Variants in TMEM266 observed in about 807,000 individuals in gnomAD.
TMEM266 encodes Hv1 related protein 1.
In TMEM266, 33 loss-of-function variants were observed where a neutral mutation model predicts 50.5. The observed-to-expected ratio is 0.65, with a 90% confidence interval of 0.50 to 0.87. TMEM266 has a LOEUF of 0.87. Among genes scored for constraint, TMEM266 ranks in the 40% least tolerant of loss-of-function variants. The pLI is 0.00. For synonymous variants in TMEM266, 310 were observed against 292.3 expected (o/e 1.06, Z -0.62); for missense variants, 655 against 695.1 (o/e 0.94, Z 0.65).
intron 1 of TMEM266, among the ~76,000 whole-genome samples, chr15:76,093,688 C>T (rs2036885161): frequency 6.6e-6 from 1 of 152,028 alleles, no homozygotes; most frequent in Non-Finnish European, 1.5e-5. Context: ...GGAATCACCA[C>T]ACTGTCTTCC....
At chr15:76,130,773 A>C (rs755268555) in intron 1 of TMEM266, among the ~76,000 whole-genome samples, 1 of 152,216 alleles carries the variant, frequency 6.6e-6, no homozygotes, top group Non-Finnish European at 1.5e-5. Context: ...GGTCCATGAT[A>C]CAATTCTCTA....
At chr15:76,123,904 G>C (rs1207057772) in intron 1 of TMEM266, among the ~76,000 whole-genome samples, 1 of 152,132 alleles carries the variant, frequency 6.6e-6, no homozygotes, top group African/African-American at 2.4e-5. Context: ...GTAGAGACGG[G>C]GTTTCGCCAT....
intron 5 of TMEM266, among the ~76,000 whole-genome samples, chr15:76,167,102 G>A (rs1440338438): frequency 6.6e-6 from 1 of 152,138 alleles, no homozygotes; most frequent in East Asian, 1.9e-4. Context: ...GATAGATATG[G>A]CTATTGTAGC....
At chr15:76,165,306 A>G (rs918062296) in intron 5 of TMEM266, among the ~76,000 whole-genome samples, 10 of 152,232 alleles carry the variant, frequency 6.6e-5, no homozygotes, top group African/African-American at 2.4e-4. Flanking sequence ...GCGGAAGGCA[A>G]GAGGGGTCCA....
chr15:76,066,287 A>G (rs899444846), intron 1 of TMEM266, among the ~76,000 whole-genome samples: 7 of 152,204 alleles, frequency 4.6e-5, no homozygotes, highest in African/African-American at 1.2e-4. Flanking sequence ...AGTCAACACC[A>G]CAGGGAGAGT....
chr15:76,137,823 T>C lies in TMEM266; in HGVS notation c.155T>C (p.Leu52Pro), dbSNP rs753279696. Residue 52 changes from leucine (L) to proline (P), a missense_variant, in exon 3 of 11, where the codon CTG becomes CCG. Transcript: ENST00000388942. ...AACTTTGCCTATCGGGACTTGCCCC[T>C]GGCTGCTGTCGATCTCTCCACGGCG... 5.0e-6 allele frequency: 8 copies of C among 1,613,460 alleles called. No homozygotes were observed. The highest frequency in any genetic ancestry group is 3.3e-5 in the South Asian group (3 of 90,984).
chr15:76,182,771 A>C (rs1022938061), intron 8 of TMEM266, among the ~76,000 whole-genome samples: 2 of 152,202 alleles, frequency 1.3e-5, no homozygotes, highest in Admixed American at 6.5e-5. Context: ...CAGGCTGGGT[A>C]CTATTAATCC....
chr15:76,074,244 A>T (rs2036574916), intron 1 of TMEM266, among the ~76,000 whole-genome samples: 1 of 152,030 alleles, frequency 6.6e-6, no homozygotes. Context: ...TATATAAATG[A>T]TATTTTATTT....
chr15:76,198,107 A>G (rs1313834744), intron 9 of TMEM266, among the ~76,000 whole-genome samples: 1 of 152,058 alleles, frequency 6.6e-6, no homozygotes, highest in Non-Finnish European at 1.5e-5. Flanking sequence ...AACATTCATG[A>G]TCTCAGGGAC....
intron 1 of TMEM266, among the ~76,000 whole-genome samples, chr15:76,080,492 G>A (rs571973753): frequency 9.9e-5 from 15 of 151,212 alleles, no homozygotes; most frequent in Admixed American, 2.6e-4. Context: ...CTTGTGATCC[G>A]CCCGCCTTAG....
chr15:76,116,088 C>T (rs568041060), intron 1 of TMEM266, among the ~76,000 whole-genome samples: 2 of 152,282 alleles, frequency 1.3e-5, no homozygotes, highest in Non-Finnish European at 2.9e-5. Flanking sequence ...ACTAGCACCA[C>T]GTCCTTGCTT....
At chr15:76,133,124 G>T (rs1163165281) in intron 1 of TMEM266, among the ~76,000 whole-genome samples, 1 of 146,928 alleles carries the variant, frequency 6.8e-6, no homozygotes, top group Non-Finnish European at 1.5e-5. Context: ...GTGAGACCCT[G>T]TCTAAACATA....
At chr15:76,176,830 G>A (rs1659561220) in intron 8 of TMEM266, among the ~76,000 whole-genome samples, 1 of 152,204 alleles carries the variant, frequency 6.6e-6, no homozygotes, top group African/African-American at 2.4e-5. Flanking sequence ...CTCCAAGGTG[G>A]CCTCAGGGTT....
At chr15:76,067,315 G>A (rs1186599215) in intron 1 of TMEM266, among the ~76,000 whole-genome samples, 9 of 152,236 alleles carry the variant, frequency 5.9e-5, no homozygotes, top group Admixed American at 3.9e-4. Context: ...AAGGCCTCGG[G>A]TCTAGATGCA....
rs1459988198 is a variant in TMEM266, at chr15:76,161,796, C to A, written c.456+1628C>A. Among the ~76,000 whole-genome samples the A allele has an allele frequency of 6.6e-6, 1 of 152,196 alleles. No homozygotes were observed. Among genetic ancestry groups the A allele is most frequent in the African/African-American group, 2.4e-5 (1 of 41,456 alleles). On this transcript the variant is annotated intron_variant, in intron 5 of 10. Transcript: ENST00000388942. This position sits in a 1 kb window ranked among gnomAD's most constrained non-coding sequence, Gnocchi z 4.1. ...AGCCCCCATGTGGGTCTTGCCCTCC[C>A]TGGCCTCTTGTCTCTGCCCGGCCAG... is the stretch of plus-strand genomic sequence containing the variant.
At chr15:76,129,719 A>C (rs1053346257) in intron 1 of TMEM266, among the ~76,000 whole-genome samples, 2 of 152,176 alleles carry the variant, frequency 1.3e-5, no homozygotes, top group African/African-American at 4.8e-5. Flanking sequence ...AGACTGTGGG[A>C]AACTTTGTCA....
intron 7 of TMEM266, among the ~76,000 whole-genome samples, chr15:76,173,962 C>G (rs62030169): frequency 0.068 from 10,279 of 150,832 alleles, 401 homozygotes; most frequent in Middle Eastern, 0.12. Context: ...AAAAAGAGGT[C>G]TGTGGGAAGG....
chr15:76,126,736 C>T lies in TMEM266; in HGVS notation c.-96-7432C>T, dbSNP rs112527368. ...TAGAGATGGGGTTTCACCATGTTGG[C>T]CAGGCTGGTCTCGACCTCCTGACCT... On this transcript the variant is annotated intron_variant, in intron 1 of 10. Transcript: ENST00000388942. 3.0e-3 allele frequency among the ~76,000 whole-genome samples: 452 copies of T among 152,182 alleles called. 2 individuals are homozygous for T. Among genetic ancestry groups the T allele is most frequent in the African/African-American group, 0.01 (419 of 41,526 alleles).
chr15:76,156,744 T>C lies in TMEM266; in HGVS notation c.368T>C (p.Ile123Thr), dbSNP rs2037934286. Residue 123 changes from isoleucine to threonine, a missense_variant, in exon 4 of 11, where the codon ATA (isoleucine) becomes ACA (threonine). Transcript: ENST00000388942. ...CTGACTCTGGAACTTCTAATAGATA[T>C]AAAGCTTCTCCAGTGTGAGTAGCAA... 4 of 1,613,826 alleles carry C rather than the reference T, an allele frequency of 2.5e-6. No individual in the cohort carries two copies. The highest frequency in any genetic ancestry group is 3.4e-6 in the Non-Finnish European group (4 of 1,179,806).
Sources: allele counts gnomAD v4.1 joint callset (sites outside exome capture counted in the v4.1 genomes callset), GRCh38; gene constraint gnomAD v4.1.1; non-coding constraint Gnocchi (gnomAD v3.1); transcripts MANE v1.5; gene names NCBI Gene and HGNC (gene_info 2026-07-23, HGNC 2026-07-21).